The following RGS3 variants were observed in gnomAD, a reference collection of about 807,000 sequenced individuals.
The protein encoded by RGS3 is regulator of G protein signaling 3, also known as regulator of G-protein signalling 3.
In RGS3, 80 loss-of-function variants were observed where a neutral mutation model predicts 132.6. The ratio of observed to expected loss-of-function variants is 0.60; its 90% CI spans 0.50 to 0.73. The LOEUF (loss-of-function observed/expected upper bound fraction) is 0.73, where lower values mean the gene tolerates loss of function less well. Among genes scored for constraint, RGS3 ranks in the 30% least tolerant of loss-of-function variants. The pLI is 0.00. For missense variants in RGS3, 1,382 were observed against 1,530.8 expected, an observed-to-expected ratio of 0.90 and a Z score of 1.62; for synonymous variants, 598 against 620.6, an observed-to-expected ratio of 0.96 and a Z score of 0.54.
chr9:113,507,209 C>T lies in RGS3; in HGVS notation c.1086-78C>T, dbSNP rs1831167824. The T allele has an allele frequency of 1.7e-5, 20 of 1,199,040 alleles. No individual in the cohort carries two copies. The highest frequency in any genetic ancestry group is 2.2e-5 in the Non-Finnish European group (19 of 845,598). 74.3% of individuals were successfully genotyped at this position (1,199,040 alleles called of 1,614,324 possible). A position where few individuals can be genotyped will look rare whatever the true frequency, so the allele number is the denominator to read the frequency against. Reference sequence around the variant, plus strand: ...GCCTCCTCTTCCCCCATTATCCTCTCTGCCCTGTGGGCCCTCACTCTGGCT... The same window carrying T: ...GCCTCCTCTTCCCCCATTATCCTCTTTGCCCTGTGGGCCCTCACTCTGGCT... On this transcript the variant is annotated intron_variant, in intron 12 of 24. Coordinates refer to ENST00000350696, the Ensembl canonical transcript of RGS3. The surrounding 1 kb of genome is among the most constrained non-coding windows in gnomAD (Gnocchi z 5.0).
At position 113,461,969 on chromosome 9, in the gene RGS3, A is replaced by G. The variant is rs371553237; in HGVS notation, c.235-52A>G. On this transcript the variant is annotated intron_variant, in intron 2 of 24. Transcript: ENST00000350696. ...CCTACTGGGAGTGAACACACCTTGCATGGAGCATCTTCAGGCCATGGCTAA... is the reference window on the plus strand; with the variant it reads ...CCTACTGGGAGTGAACACACCTTGCGTGGAGCATCTTCAGGCCATGGCTAA... The G allele has an allele frequency of 1.4e-4, 229 of 1,599,946 alleles. 1 individual carries two copies. The African/African-American group carries it at 2.5e-3, about 18-fold the overall frequency.
At chr9:113,510,588 T>G (rs1831363309) in intron 14 of RGS3, among the ~76,000 whole-genome samples, 2 of 152,198 alleles carry the variant, frequency 1.3e-5, no homozygotes, top group African/African-American at 4.8e-5. Context: ...GGCTGGTGTC[T>G]GGGGTTGATT....
chr9:113,593,977 C>G (rs2119052731), intron 21 of RGS3: 1 of 1,613,040 alleles, frequency 6.2e-7, no homozygotes, highest in Non-Finnish European at 8.5e-7. Context: ...CGGGGCGGCC[C>G]CAGAGGCTGT....
chr9:113,583,939 A>G, exon 20 of RGS3: 1 of 1,614,074 alleles, frequency 6.2e-7, no homozygotes, highest in Non-Finnish European at 8.5e-7. Context: ...ACTAGCAGCT[A>G]CTGGGGACCC....
chr9:113,594,844 G>T, intron 22 of RGS3, 75 bp from the exon 21 acceptor site: 10 of 1,450,698 alleles, frequency 6.9e-6, no homozygotes, highest in Non-Finnish European at 9.7e-6. Flanking sequence ...GTAAACAAAG[G>T]CCGCCTGGCC....
chr9:113,541,794 A>G, intron 19 of RGS3: 1 of 1,000,254 alleles, frequency 1.0e-6, no homozygotes, highest in Non-Finnish European at 1.2e-6. Context: ...ATGAAGAACA[A>G]TGCCATGATC....
chr9:113,576,456 C>T (rs536353775), intron 19 of RGS3, among the ~76,000 whole-genome samples: 2 of 151,524 alleles, frequency 1.3e-5, no homozygotes, highest in African/African-American at 2.4e-5. Context: ...CTCAGCCTCC[C>T]GAGTAGCTAG....
rs1432379827 is a variant in RGS3, at chr9:113,591,486, G to T, written c.3080+89G>T. 2.5e-6 allele frequency: 3 copies of T among 1,205,708 alleles called. No individual in the cohort carries two copies. The South Asian group carries it at 3.7e-5, about 15-fold the overall frequency. The allele number at this position is 1,205,708 out of a possible 1,614,324, so 74.7% of individuals were successfully genotyped here. On this transcript the variant is annotated intron_variant, in intron 21 of 24. Transcript: ENST00000350696. This position sits in a 1 kb window ranked among gnomAD's most constrained non-coding sequence, Gnocchi z 4.4. ...CCTCTAGGGGTCCAGGTGGGGAGAA[G>T]AGGTTGTGCCTGGTCCCGCCCACAA...
intron 19 of RGS3, among the ~76,000 whole-genome samples, chr9:113,580,135 G>A (rs1402721629): frequency 6.6e-6 from 1 of 152,212 alleles, no homozygotes; most frequent in African/African-American, 2.4e-5. Context: ...GACCTGCCTG[G>A]GAGCACAGAA....
chr9:113,464,569 C>T lies in RGS3; in HGVS notation c.415+2368C>T, dbSNP rs1829565517. Among the ~76,000 whole-genome samples the T allele has an allele frequency of 1.3e-5, 2 of 152,184 alleles. 1 individual carries two copies. The highest frequency in any genetic ancestry group is 4.1e-4 in the South Asian group (2 of 4,822). ...TGGTAGCCATAGTAAAGGTAACAAC[C>T]CTACCCTTGAGGGTAACCCTTCATT... On this transcript the variant is annotated intron_variant, in intron 3 of 24. Coordinates refer to ENST00000350696, the Ensembl canonical transcript of RGS3.
At chr9:113,594,325 C>T (rs1835628220) in intron 21 of RGS3, 105 bp from the exon 20 acceptor site, 1 of 1,591,716 alleles carries the variant, frequency 6.3e-7, no homozygotes, top group Admixed American at 1.7e-5. Context: ...GCAGAGGCGA[C>T]ACACGATGAA....
In RGS3 at chr9:113,521,617, G is replaced by A. The variant is rs141023096; in HGVS notation, c.1759-1313G>A. On this transcript the variant is annotated intron_variant, in intron 16 of 24. Transcript: ENST00000350696. ...TTTAATAGTTGCATAAAATTCTGCC[G>A]TATGAAGTTAGCACAATTCATTTTA... is the stretch of plus-strand genomic sequence containing the variant. Among the ~76,000 whole-genome samples the A allele has an allele frequency of 2.1e-3, 325 of 152,246 alleles. 1 individual carries two copies. The highest frequency in any genetic ancestry group is 5.3e-3 in the African/African-American group (220 of 41,524).
intron 1 of RGS3, among the ~76,000 whole-genome samples, chr9:113,451,814 T>G (rs1202927533): frequency 2.0e-5 from 3 of 152,034 alleles, no homozygotes; most frequent in Non-Finnish European, 2.9e-5. Flanking sequence ...TTCCTTTGTG[T>G]AGATCCAGAC....
intron 18 of RGS3, 167 bp from the exon 17 acceptor site, chr9:113,536,629 C>T (rs1832688168): frequency 1.4e-6 from 2 of 1,462,550 alleles, no homozygotes; most frequent in East Asian, 2.4e-5. Context: ...GCGCCTCTGG[C>T]TGCCTCAATG....
intron 20 of RGS3, among the ~76,000 whole-genome samples, chr9:113,587,202 G>A (rs1835161054): frequency 6.7e-6 from 1 of 148,752 alleles, no homozygotes; most frequent in African/African-American, 2.5e-5. Context: ...CTCTGCCCTA[G>A]ACTCTGAGAC....
intron 19 of RGS3, among the ~76,000 whole-genome samples, chr9:113,545,390 A>G (rs544016388): frequency 6.6e-6 from 1 of 152,308 alleles, no homozygotes; most frequent in South Asian, 2.1e-4. Flanking sequence ...CCCTGAATAA[A>G]GGGGAATCAA....
intron 16 of RGS3, chr9:113,522,694 T>C (rs1832011425): frequency 1.9e-6 from 1 of 528,572 alleles, no homozygotes; most frequent in Non-Finnish European, 3.4e-6. Flanking sequence ...GTTTGCTTTT[T>C]TCCTACTTTG....
At position 113,583,940 on chromosome 9, in the gene RGS3, C is replaced by G. The variant is rs369700863; in HGVS notation, c.2528C>G (p.Thr843Ser). ...AGCTCCGGGGACCTACTAGCAGCTA[C>G]TGGGGACCCACCTGCGGCCCCCAGG... Residue 843 changes from threonine (T) to serine (S), a missense_variant, in exon 20 of 25, where the codon ACT (threonine) becomes AGT (serine). Transcript: ENST00000350696. 1.8e-5 allele frequency: 29 copies of G among 1,614,118 alleles called. No individual in the cohort carries two copies. The South Asian group carries it at 3.1e-4, about 17-fold the overall frequency.
At chr9:113,528,934 A>C (rs1832341458) in intron 17 of RGS3, among the ~76,000 whole-genome samples, 1 of 152,180 alleles carries the variant, frequency 6.6e-6, no homozygotes. Context: ...TCCCCCCAGT[A>C]CCTGATGCCC....
Sources: allele counts gnomAD v4.1 joint callset (sites outside exome capture counted in the v4.1 genomes callset), GRCh38; gene constraint gnomAD v4.1.1; non-coding constraint Gnocchi (gnomAD v3.1); transcripts MANE v1.5; gene names NCBI Gene and HGNC (gene_info 2026-07-23, HGNC 2026-07-21).